Variants in NDST3 observed in about 807,000 individuals in gnomAD.
NDST3 encodes the protein N-deacetylase and N-sulfotransferase 3, also known as bifunctional heparan sulfate N-deacetylase/N-sulfotransferase 3.
NDST3 carries 58 observed loss-of-function variants against 96.1 expected under a neutral mutation model. That is an observed-to-expected ratio of 0.60 (90% confidence interval 0.49 to 0.75). The LOEUF (loss-of-function observed/expected upper bound fraction) is 0.75. NDST3 is among the 30% of genes least tolerant of loss of function. The probability of loss-of-function intolerance (pLI) is 0.00; values close to 1 mark genes in which losing one functional copy is unlikely to be tolerated. For synonymous variants in NDST3, 333 were observed against 359.7 expected, an observed-to-expected ratio of 0.93 and a Z score of 0.84; for missense variants, 788 against 1,034.2, an observed-to-expected ratio of 0.76 and a Z score of 3.27.
At chr4:118,087,263 CT>C (rs936091576) in intron 2 of NDST3, among the ~76,000 whole-genome samples, 1 of 152,048 alleles carries the variant, frequency 6.6e-6, no homozygotes, top group African/African-American at 2.4e-5. Flanking sequence ...GACAATGTAA[CT>C]TTTATGTTTG....
intron 2 of NDST3, among the ~76,000 whole-genome samples, chr4:118,102,621 G>T (rs1224621281): frequency 6.6e-6 from 1 of 151,984 alleles, no homozygotes; most frequent in Non-Finnish European, 1.5e-5. Flanking sequence ...AGTAATGAAG[G>T]GTTTAGTGAA....
intron 9 of NDST3, among the ~76,000 whole-genome samples, chr4:118,233,390 T>C (rs1299468736): frequency 3.9e-5 from 6 of 152,164 alleles, no homozygotes; most frequent in Admixed American, 3.9e-4. Context: ...ATGGTAATTA[T>C]AGATATTAAG....
chr4:118,085,071 T>C (rs1321204159), intron 2 of NDST3, among the ~76,000 whole-genome samples: 1 of 152,038 alleles, frequency 6.6e-6, no homozygotes, highest in Non-Finnish European at 1.5e-5. Context: ...TGCAGTGAGC[T>C]GAGATCACGC....
rs1026903676 is a variant in NDST3 at position 118,067,945 on chromosome 4, GA to G, written c.981+13062del. Reference sequence around the variant, plus strand: ...TAAATAAATAAATAAAAAGAAAAAAGAAAAAAAAGAAAAGAAATTGACACAA... The same window carrying G: ...TAAATAAATAAATAAAAAGAAAAAAGAAAAAAAGAAAAGAAATTGACACAA... On this transcript the variant is annotated intron_variant, in intron 2 of 13. Coordinates refer to ENST00000296499, the MANE Select transcript of NDST3 (RefSeq NM_004784.3). Among the ~76,000 whole-genome samples, 8 of 151,212 alleles carry G rather than the reference GA, an allele frequency of 5.3e-5. No homozygotes were observed. The East Asian group carries it at 5.8e-4, about 11-fold the overall frequency.
intron 6 of NDST3, among the ~76,000 whole-genome samples, chr4:118,221,474 C>T (rs1199373706): frequency 1.3e-5 from 2 of 152,006 alleles, no homozygotes; most frequent in Non-Finnish European, 2.9e-5. Flanking sequence ...AAAGAGAATA[C>T]TTACTGCATT....
chr4:118,062,540 G>A (rs1264584385), intron 2 of NDST3, among the ~76,000 whole-genome samples: 6 of 151,820 alleles, frequency 4.0e-5, no homozygotes, highest in Admixed American at 2.0e-4. Flanking sequence ...AAAATACACA[G>A]GAAAATAAAT....
intron 2 of NDST3, among the ~76,000 whole-genome samples, chr4:118,058,786 A>C (rs1397901756): frequency 6.6e-6 from 1 of 152,060 alleles, no homozygotes; most frequent in Non-Finnish European, 1.5e-5. Context: ...ATGTTTCTAC[A>C]ATTAAAAAAA....
intron 2 of NDST3, among the ~76,000 whole-genome samples, chr4:118,088,500 A>C (rs1322205495): frequency 6.6e-6 from 1 of 152,072 alleles, no homozygotes; most frequent in Non-Finnish European, 1.5e-5. Context: ...TCGGCTGCAC[A>C]TTATACCTTC....
chr4:118,118,620 T>C (rs184186293), intron 4 of NDST3, among the ~76,000 whole-genome samples: 2 of 152,222 alleles, frequency 1.3e-5, no homozygotes, highest in Non-Finnish European at 2.9e-5. Context: ...GTAAATCCTT[T>C]AAGCAAACTT....
At chr4:118,102,579 T>C (rs914664881) in intron 2 of NDST3, among the ~76,000 whole-genome samples, 1 of 152,168 alleles carries the variant, frequency 6.6e-6, no homozygotes, top group African/African-American at 2.4e-5. Flanking sequence ...TACTTCAGTT[T>C]AAAATAGAAT....
At chr4:118,226,364 T>G (rs2125995645) in intron 7 of NDST3, among the ~76,000 whole-genome samples, 1 of 152,296 alleles carries the variant, frequency 6.6e-6, no homozygotes, top group East Asian at 1.9e-4. Context: ...TAAAGTTACA[T>G]TTTTAGATAT....
At chr4:118,126,623 T>G (rs891516955) in intron 4 of NDST3, among the ~76,000 whole-genome samples, 1 of 151,814 alleles carries the variant, frequency 6.6e-6, no homozygotes, top group Non-Finnish European at 1.5e-5. Flanking sequence ...TTCCAAATCC[T>G]GGCTATTGTA....
intron 5 of NDST3, among the ~76,000 whole-genome samples, chr4:118,141,994 T>G (rs1340115873): frequency 1.3e-5 from 2 of 152,158 alleles, no homozygotes; most frequent in African/African-American, 4.8e-5. Flanking sequence ...AATGAATAAA[T>G]ACTATATAAA....
At chr4:118,202,236 T>C (rs183902029) in intron 6 of NDST3, among the ~76,000 whole-genome samples, 19 of 152,266 alleles carry the variant, frequency 1.2e-4, no homozygotes, top group Non-Finnish European at 4.4e-5. Context: ...CCTTATATAG[T>C]GTAGCCTTGA....
At chr4:118,059,012 ACTC>A (rs1215329651) in intron 2 of NDST3, among the ~76,000 whole-genome samples, 4 of 151,792 alleles carry the variant, frequency 2.6e-5, no homozygotes, top group African/African-American at 9.7e-5. Flanking sequence ...GTTTTACTGA[ACTC>A]CTTGCAGTTG....
At chr4:118,162,858 A>G (rs1443780689) in intron 6 of NDST3, among the ~76,000 whole-genome samples, 10 of 149,520 alleles carry the variant, frequency 6.7e-5, no homozygotes, top group African/African-American at 2.2e-4. Context: ...TCATCTGACA[A>G]AGGGCTAATA....
intron 6 of NDST3, among the ~76,000 whole-genome samples, chr4:118,205,807 C>T (rs1466570987): frequency 7.3e-6 from 1 of 137,820 alleles, no homozygotes; most frequent in Non-Finnish European, 1.6e-5. Context: ...TACAAATATA[C>T]AGTACTGGCC....
intron 9 of NDST3, among the ~76,000 whole-genome samples, chr4:118,235,944 C>T (rs1740615354): frequency 6.6e-6 from 1 of 152,172 alleles, no homozygotes; most frequent in Non-Finnish European, 1.5e-5. Flanking sequence ...GGAATCCTAC[C>T]AGAAGCTTTA....
chr4:118,211,165 T>C (rs1246102190), intron 6 of NDST3, among the ~76,000 whole-genome samples: 1 of 152,182 alleles, frequency 6.6e-6, no homozygotes, highest in Non-Finnish European at 1.5e-5. Flanking sequence ...TATTGTTCTT[T>C]GAACCAAAAG....
Sources: allele counts gnomAD v4.1 joint callset (sites outside exome capture counted in the v4.1 genomes callset), GRCh38; gene constraint gnomAD v4.1.1; transcripts MANE v1.5; gene names NCBI Gene and HGNC (gene_info 2026-07-23, HGNC 2026-07-21).